ITGAX: variants seen among roughly 807,000 people sequenced by gnomAD.
The protein encoded by ITGAX is integrin alpha-X.
In ITGAX, 99 loss-of-function variants were observed where a neutral mutation model predicts 140.2. The ratio of observed to expected loss-of-function variants is 0.71; its 90% confidence interval spans 0.60 to 0.83. ITGAX has a LOEUF of 0.83. Ranked by LOEUF, ITGAX falls within the 40% of genes least tolerant of loss-of-function variation. ITGAX has a pLI of 0.00. For missense variants in ITGAX, 1,444 were observed against 1,482.0 expected, an observed-to-expected ratio of 0.97 and a Z score of 0.42; for synonymous variants, 631 against 600.4, an observed-to-expected ratio of 1.05 and a Z score of -0.75.
chr16:31,357,369 G>T lies in ITGAX; in HGVS notation c.430+5G>T. The stretch of plus-strand genomic sequence containing the variant: ...GGCTCCCGGTGTCCAGGCAGGGTGA[G>T]TGTCGGGACCACCAAGGCTTTGAGG... On this transcript the variant is annotated splice_donor_5th_base_variant and intron_variant, in intron 5 of 29. Coordinates refer to ENST00000268296, the MANE Select transcript of ITGAX (RefSeq NM_000887.5). 1.9e-6 allele frequency: 3 copies of T among 1,582,858 alleles called. No homozygotes were observed.
chr16:31,368,200 A>G (rs2080911316), intron 14 of ITGAX, among the ~76,000 whole-genome samples: 1 of 150,234 alleles, frequency 6.7e-6, no homozygotes, highest in Non-Finnish European at 1.5e-5. Context: ...TGATATAAAT[A>G]TTGTTGAAAT....
At chr16:31,364,426 C>CAAAAA (rs56776715) in intron 14 of ITGAX, among the ~76,000 whole-genome samples, 2 of 42,418 alleles carry the variant, frequency 4.7e-5, no homozygotes, top group Non-Finnish European at 1.1e-4. Flanking sequence ...AATCCCGTGT[C>CAAAAA]AAAAAAAAAA....
At chr16:31,359,492 A>G (rs943181361) in intron 5 of ITGAX, among the ~76,000 whole-genome samples, 3 of 152,120 alleles carry the variant, frequency 2.0e-5, no homozygotes, top group Non-Finnish European at 4.4e-5. Context: ...CAACTTTAAG[A>G]GAATGAAGGG....
At chr16:31,372,692 C>T in intron 19 of ITGAX, 22 bp downstream of exon 19, 2 of 1,602,814 alleles carry the variant, frequency 1.2e-6, no homozygotes, top group Non-Finnish European at 1.7e-6. Context: ...CACCTTAGAC[C>T]TGCCCTACTG....
chr16:31,377,347 G>A, intron 23 of ITGAX, 82 bp downstream of exon 23: 1 of 1,110,712 alleles, frequency 9.0e-7, no homozygotes, highest in Admixed American at 2.4e-5. Context: ...TTGAAACGCT[G>A]CCACAGAGGG....
At position 31,376,905 on chromosome 16, in the gene ITGAX, G is replaced by C; in HGVS notation, c.2615G>C (p.Gly872Ala). 1 of 1,614,214 alleles carries C rather than the reference G, an allele frequency of 6.2e-7. No homozygotes were observed. The highest frequency in any genetic ancestry group is 8.5e-7 in the Non-Finnish European group (1 of 1,180,028). The change falls in exon 21 of 30, where the codon GGC becomes GCC. Residue 872 changes from glycine (G) to alanine (A), a missense_variant. Gly to Ala is a moderately conservative substitution (Grantham distance 60). Coordinates refer to ENST00000268296, the MANE Select transcript of ITGAX (RefSeq NM_000887.5). ...AGAATCAACCACCTCATCTTCCGTG[G>C]CGGCGCCCAGGTCAGCCTGGCTTCT... ...SCRINHLIFRGGAQITFLATF... is the reference protein window; with the variant it reads ...SCRINHLIFRAGAQITFLATF...
rs775856770 is a variant in ITGAX at position 31,361,810 on chromosome 16, C to T, written c.1013-26C>T. The T allele has an allele frequency of 4.3e-6, 7 of 1,612,354 alleles. No homozygotes were observed. In the South Asian group the frequency reaches 6.6e-5, roughly 15 times the overall value. Reference sequence around the variant, plus strand: ...TGGCAAAGCCCGTCTCCCTCCCTGGCACTCAAGCGTCATGCCTTCCCCCAG... The same window carrying T: ...TGGCAAAGCCCGTCTCCCTCCCTGGTACTCAAGCGTCATGCCTTCCCCCAG... On this transcript the variant is annotated intron_variant, in intron 9 of 29. Coordinates refer to ENST00000268296, the MANE Select transcript of ITGAX (RefSeq NM_000887.5).
Position 31,361,828 on chromosome 16 carries a change from TC to T in ITGAX, c.1013-3del, listed in dbSNP as rs1203110013. On this transcript the variant is annotated splice_polypyrimidine_tract_variant and splice_region_variant and intron_variant, in intron 9 of 29. Coordinates refer to ENST00000268296, the MANE Select transcript of ITGAX (RefSeq NM_000887.5). ...TCCCTGGCACTCAAGCGTCATGCCT[TC>T]CCCCAGGTACGGAGACCACAAGCAG... The T allele has an allele frequency of 6.2e-7, 1 of 1,613,796 alleles. No individual in the cohort carries two copies. The highest frequency in any genetic ancestry group is 2.2e-5 in the East Asian group (1 of 44,844).
intron 1 of ITGAX, among the ~76,000 whole-genome samples, 161 bp downstream of exon 1, chr16:31,355,452 T>G (rs2080748967): frequency 6.6e-6 from 1 of 152,138 alleles, no homozygotes; most frequent in African/African-American, 2.4e-5. Context: ...ATTTGGAGTT[T>G]GTGGAGGGAG....
chr16:31,359,581 G>T (rs1011599516), intron 5 of ITGAX, 119 bp from the exon 6 acceptor site: 2 of 1,221,992 alleles, frequency 1.6e-6, no homozygotes, highest in African/African-American at 1.5e-5. Context: ...GACTCCCATC[G>T]CCAGACTAGG....
chr16:31,362,868 G>A, intron 12 of ITGAX, 67 bp from the exon 13 acceptor site: 1 of 1,607,580 alleles, frequency 6.2e-7, no homozygotes, highest in Non-Finnish European at 8.5e-7. Context: ...CTGGGGAGAG[G>A]TGGGACCTGG....
chr16:31,378,763 A>T (rs2081041825), intron 23 of ITGAX, among the ~76,000 whole-genome samples: 1 of 149,450 alleles, frequency 6.7e-6, no homozygotes, highest in African/African-American at 2.5e-5. Context: ...GAGCCACTGC[A>T]CTCAGCCAAT....
chr16:31,357,207 TG>T (rs2080771445), intron 4 of ITGAX, 45 bp from the exon 5 acceptor site: 1 of 1,546,004 alleles, frequency 6.5e-7, no homozygotes, highest in Admixed American at 1.9e-5. Context: ...AATGTGAGGG[TG>T]GGAGGAAGCA....
chr16:31,368,996 C>T (rs923477498), intron 14 of ITGAX, among the ~76,000 whole-genome samples: 1 of 152,218 alleles, frequency 6.6e-6, no homozygotes, highest in Non-Finnish European at 1.5e-5. Flanking sequence ...AAAAATCTCC[C>T]ATGTCTACTT....
In ITGAX at chr16:31,379,623, C is replaced by G; in HGVS notation, c.2845C>G (p.His949Asp). 1.3e-6 allele frequency: 2 copies of G among 1,562,988 alleles called. No homozygotes were observed. The highest frequency in any genetic ancestry group is 2.7e-5 in the African/African-American group (2 of 73,996). Residue 949 changes from histidine (H) to aspartate (D), a missense_variant, in exon 24 of 30, where the codon CAT becomes GAT. By Grantham distance (81) the His-to-Asp change is moderately conservative. Transcript: ENST00000268296. ...NFSESEEKES[H>D]VAMHRYQVNN... Reference sequence around the variant, plus strand: ...CTCAGAGTCTGAGGAGAAGGAAAGCCATGTGGCCATGCACAGATACCAGGC... The same window carrying G: ...CTCAGAGTCTGAGGAGAAGGAAAGCGATGTGGCCATGCACAGATACCAGGC...
At chr16:31,356,948 C>T in intron 3 of ITGAX, 83 bp from the exon 4 acceptor site, 1 of 1,211,964 alleles carries the variant, frequency 8.3e-7, no homozygotes, top group South Asian at 1.3e-5. Flanking sequence ...CCTTGTCTCC[C>T]AGGTGGAGGT....
At chr16:31,377,959 C>T (rs1033753872) in intron 23 of ITGAX, among the ~76,000 whole-genome samples, 10 of 152,132 alleles carry the variant, frequency 6.6e-5, no homozygotes, top group South Asian at 2.1e-4. Context: ...TCAGAGTAGG[C>T]GTGGTGGGCT....
rs375725707 is a variant in ITGAX at position 31,373,269 on chromosome 16, G to A, written c.2387G>A (p.Gly796Glu). Residue 796 changes from glycine to glutamate, a missense_variant, in exon 20 of 30, where the codon GGG (glycine) becomes GAG (glutamate). Gly to Glu is a moderately conservative substitution (Grantham distance 98, BLOSUM62 -2). Coordinates refer to ENST00000268296, the MANE Select transcript of ITGAX (RefSeq NM_000887.5). ...CCCAGCTTGAAGTCCCTGCTGGTGG[G>A]GAGTAACCTGGAGCTGAACGCAGAA... is the stretch of plus-strand genomic sequence containing the variant. ...SFPGLKSLLVGSNLELNAEVM... is the reference protein window; with the variant it reads ...SFPGLKSLLVESNLELNAEVM... 3 of 1,613,092 alleles carry A rather than the reference G, an allele frequency of 1.9e-6. No individual in the cohort carries two copies. The highest frequency in any genetic ancestry group is 2.7e-5 in the African/African-American group (2 of 74,854).
chr16:31,369,938 C>A (rs1296087469), intron 14 of ITGAX: 2 of 152,042 alleles, frequency 1.3e-5, no homozygotes, highest in African/African-American at 4.8e-5. Flanking sequence ...GGCACAAAGC[C>A]AGTGTGCCCT....
Sources: allele counts gnomAD v4.1 joint callset (sites outside exome capture counted in the v4.1 genomes callset), GRCh38; gene constraint gnomAD v4.1.1; transcripts MANE v1.5; gene names NCBI Gene and HGNC (gene_info 2026-07-23, HGNC 2026-07-21).